The following PSME3 variants were observed in gnomAD, a reference collection of about 807,000 sequenced individuals.
PSME3 encodes proteasome activator complex subunit 3.
In PSME3, 7 loss-of-function variants were observed where a neutral mutation model predicts 38.3. That is an observed-to-expected ratio of 0.18 (90% confidence interval 0.10 to 0.34). PSME3 has a LOEUF of 0.34. Among genes scored for constraint, PSME3 ranks in the 10% least tolerant of loss-of-function variants. The probability of loss-of-function intolerance (pLI) is 1.00; values close to 1 mark genes in which losing one functional copy is unlikely to be tolerated. For missense variants in PSME3, 192 were observed against 307.6 expected, an observed-to-expected ratio of 0.62 and a Z score of 2.81; for synonymous variants, 108 against 105.7, an observed-to-expected ratio of 1.02 and a Z score of -0.13.
chr17:42,834,329 CTT>C lies in PSME3; in HGVS notation c.43-13_43-12del. ...CTGTCCCCAGGTACTGAATTGCTCTCTTTGTTAATTTTAGGTTGATTCTTTCA... is the reference window on the plus strand; with the variant it reads ...CTGTCCCCAGGTACTGAATTGCTCTCTGTTAATTTTAGGTTGATTCTTTCA... On this transcript the variant is annotated splice_polypyrimidine_tract_variant and intron_variant, in intron 1 of 10. Coordinates refer to ENST00000590720, the MANE Select transcript of PSME3 (RefSeq NM_005789.4). The C allele has an allele frequency of 6.2e-7, 1 of 1,614,046 alleles. No homozygotes were observed. Among genetic ancestry groups the C allele is most frequent in the Non-Finnish European group, 8.5e-7 (1 of 1,179,990 alleles).
intron 7 of PSME3, 49 bp downstream of exon 7, chr17:42,838,848 T>A: frequency 6.4e-7 from 1 of 1,558,952 alleles, no homozygotes. Context: ...GGAGATACTC[T>A]CATCTCCCCT....
chr17:42,836,383 G>C (rs925277902), intron 4 of PSME3, among the ~76,000 whole-genome samples: 1 of 152,166 alleles, frequency 6.6e-6, no homozygotes, highest in Non-Finnish European at 1.5e-5. Context: ...ATACATGTTT[G>C]TTAACTGAAT....
intron 5 of PSME3, 42 bp from the exon 6 acceptor site, chr17:42,838,051 C>T (rs1414409130): frequency 5.6e-6 from 9 of 1,603,086 alleles, no homozygotes; most frequent in Non-Finnish European, 7.7e-6. Context: ...ATGCTGTGTC[C>T]TTCCCTCTTC....
intron 10 of PSME3, among the ~76,000 whole-genome samples, chr17:42,840,899 C>A (rs535149113): frequency 1.3e-5 from 2 of 151,766 alleles, no homozygotes. Context: ...TTTGGGAGGC[C>A]GAGGCGGGCG....
At chr17:42,838,228 A>G (rs2055487275) in intron 6 of PSME3, 23 bp downstream of exon 6, 17 of 1,613,136 alleles carry the variant, frequency 1.1e-5, no homozygotes, top group Non-Finnish European at 1.4e-5. Flanking sequence ...CTGGTGACCT[A>G]TGGGCCGGCC....
chr17:42,835,403 T>C (rs1332833484), intron 4 of PSME3, among the ~76,000 whole-genome samples: 1 of 152,120 alleles, frequency 6.6e-6, no homozygotes, highest in Non-Finnish European at 1.5e-5. Flanking sequence ...AATGCTACTG[T>C]CAGTGTTAGA....
intron 10 of PSME3, among the ~76,000 whole-genome samples, chr17:42,839,722 C>T (rs1172420479): frequency 3.3e-5 from 5 of 152,154 alleles, no homozygotes; most frequent in African/African-American, 7.2e-5. Flanking sequence ...CTGGGCTGGG[C>T]GCAGTGGCTA....
At chr17:42,837,372 A>G (rs1218647732) in intron 4 of PSME3, among the ~76,000 whole-genome samples, 1 of 151,046 alleles carries the variant, frequency 6.6e-6, no homozygotes, top group African/African-American at 2.4e-5. Context: ...TTTAGTAGAG[A>G]TGGGGTTTCA....
Position 42,837,340 on chromosome 17 carries a change from C to T in PSME3, c.244-309C>T, listed in dbSNP as rs186735674. ...CTGGGATTACAGGCATGAACCACCG[C>T]GCCTGGCTAACTTTTTGTATTTTTA... On this transcript the variant is annotated intron_variant, in intron 4 of 10. Coordinates refer to ENST00000590720, the MANE Select transcript of PSME3 (RefSeq NM_005789.4). Among the ~76,000 whole-genome samples the T allele has an allele frequency of 2.8e-3, 428 of 152,180 alleles. 2 individuals are homozygous for T. The highest frequency in any genetic ancestry group is 9.3e-3 in the African/African-American group (386 of 41,492).
intron 4 of PSME3, 29 bp downstream of exon 4, chr17:42,834,905 C>T: frequency 1.2e-6 from 2 of 1,612,102 alleles, no homozygotes; most frequent in Non-Finnish European, 1.7e-6. Context: ...TCTTTGTGTT[C>T]TTGAGCAGTA....
At chr17:42,837,734 T>C (rs1597954101) in intron 5 of PSME3, 37 bp downstream of exon 5, 1 of 1,601,306 alleles carries the variant, frequency 6.2e-7, no homozygotes, top group Non-Finnish European at 8.6e-7. Context: ...CCTCACCCCA[T>C]CCCTGACTTG....
chr17:42,838,925 CTGT>C lies in PSME3; in HGVS notation c.475-15_475-13del. Reference sequence around the variant, plus strand: ...GACATGGAAGTGGCTTTTGATGCACCTGTTGTTTGTTTGTTTTAGGAGGAAACA... The same window carrying C: ...GACATGGAAGTGGCTTTTGATGCACCTGTTTGTTTGTTTTAGGAGGAAACA... On this transcript the variant is annotated splice_polypyrimidine_tract_variant and intron_variant, in intron 7 of 10. Transcript: ENST00000590720. 6.2e-7 allele frequency: 1 copy of C among 1,613,664 alleles called. No individual in the cohort carries two copies. The highest frequency in any genetic ancestry group is 1.3e-5 in the African/African-American group (1 of 74,942).
In PSME3 at chr17:42,839,112, A is replaced by G; in HGVS notation, c.543A>G (p.Arg181=). The G allele has an allele frequency of 3.1e-6, 5 of 1,590,382 alleles. No homozygotes were observed. Among genetic ancestry groups the G allele is most frequent in the Admixed American group, 1.7e-5 (1 of 59,976 alleles). ...TTCCTCCTCTTCTCTCTCTTTCCAG[A>G]TATTATATTACAAGAGCCAAATTGG... The part of the protein sequence containing the change: ...EAASYLDQIS[R]YYITRAKLVS... Residue 181 remains arginine, a splice_region_variant and synonymous_variant, in exon 9 of 11, where the codon AGA becomes AGG. Transcript: ENST00000590720.
intron 5 of PSME3, 113 bp downstream of exon 5, chr17:42,837,810 C>T: frequency 7.9e-7 from 1 of 1,260,328 alleles, no homozygotes; most frequent in Non-Finnish European, 1.1e-6. Flanking sequence ...ATCTTACTTC[C>T]CAGAGGTAGC....
rs550802081 is a variant in PSME3, at chr17:42,841,395, C to T, written c.685-103C>T. ...CCTATTGATGACATTAAGGACTTAC[C>T]GTATGCAGATGATTGCTTGGGGATT... On this transcript the variant is annotated intron_variant, in intron 10 of 10. Transcript: ENST00000590720. 53 of 587,310 alleles carry T rather than the reference C, an allele frequency of 9.0e-5. No individual in the cohort carries two copies. The Middle Eastern group carries it at 1.1e-3, about 12-fold the overall frequency. The allele number at this position is 587,310 out of a possible 1,614,324, so 36.4% of individuals were successfully genotyped here.
chr17:42,839,238 C>A lies in PSME3; in HGVS notation c.598-56C>A, dbSNP rs146436454. 4 of 1,569,668 alleles carry A rather than the reference C, an allele frequency of 2.5e-6. No homozygotes were observed. In the African/African-American group the frequency reaches 4.1e-5, roughly 16 times the overall value. The stretch of plus-strand genomic sequence containing the variant: ...AAGAGTGACTGTTACTGGGAAGGAG[C>A]TGTCTGGAAACAATTGGGCTTTGGG... On this transcript the variant is annotated intron_variant, in intron 9 of 10. Transcript: ENST00000590720.
chr17:42,841,392 T>TA (rs2055531877), intron 10 of PSME3, 106 bp from the exon 11 acceptor site: 4 of 562,778 alleles, frequency 7.1e-6, no homozygotes, highest in Non-Finnish European at 1.2e-5. Context: ...ATTAAGGACT[T>TA]ACCGTATGCA....
At chr17:42,837,739 G>A (rs1480899655) in intron 5 of PSME3, 42 bp downstream of exon 5, 1 of 1,590,568 alleles carries the variant, frequency 6.3e-7, no homozygotes, top group Non-Finnish European at 8.6e-7. Flanking sequence ...CCCCATCCCT[G>A]ACTTGCAACC....
intron 10 of PSME3, 127 bp from the exon 11 acceptor site, chr17:42,841,371 C>T (rs905208673): frequency 6.8e-6 from 3 of 442,054 alleles, no homozygotes; most frequent in African/African-American, 6.1e-5. Flanking sequence ...TGCTAAGAAC[C>T]TATTGATGAC....
Sources: allele counts gnomAD v4.1 joint callset (sites outside exome capture counted in the v4.1 genomes callset), GRCh38; gene constraint gnomAD v4.1.1; transcripts MANE v1.5; gene names NCBI Gene and HGNC (gene_info 2026-07-23, HGNC 2026-07-21).